FHIT: variants seen among roughly 807,000 people sequenced by gnomAD.
FHIT encodes fragile histidine triad diadenosine triphosphatase, also known as bis(5'-adenosyl)-triphosphatase.
In FHIT, 19 loss-of-function variants were observed where a neutral mutation model predicts 17.9. The observed-to-expected ratio is 1.06, with a 90% CI of 0.74 to 1.56. The LOEUF is 1.56. Ranked by LOEUF, FHIT falls within the 40% of genes most tolerant of loss-of-function variation. The probability of loss-of-function intolerance (pLI) is 0.00; values close to 1 mark genes in which losing one functional copy is unlikely to be tolerated. For synonymous variants in FHIT, 81 were observed against 69.7 expected (o/e 1.16, Z -0.81); for missense variants, 248 against 189.2 (o/e 1.31, Z -1.82).
intron 1 of FHIT, among the ~76,000 whole-genome samples, chr3:61,237,500 T>A (rs968806860): frequency 3.3e-5 from 5 of 152,242 alleles, no homozygotes; most frequent in African/African-American, 7.2e-5. Context: ...ATTTCTACAT[T>A]TATTTGATGG....
At chr3:60,478,980 A>G (rs2033478042) in intron 5 of FHIT, among the ~76,000 whole-genome samples, 1 of 152,166 alleles carries the variant, frequency 6.6e-6, no homozygotes, top group Non-Finnish European at 1.5e-5. Context: ...TATTAATTAT[A>G]TTGTTTTCCA....
intron 5 of FHIT, among the ~76,000 whole-genome samples, chr3:60,391,120 A>T (rs1701215823): frequency 6.6e-6 from 1 of 152,038 alleles, no homozygotes; most frequent in South Asian, 2.1e-4. Context: ...CCCAGGAGGA[A>T]GAGGTTGCAG....
At chr3:60,464,574 A>C (rs1466543878) in intron 5 of FHIT, among the ~76,000 whole-genome samples, 1 of 152,000 alleles carries the variant, frequency 6.6e-6, no homozygotes, top group African/African-American at 2.4e-5. Flanking sequence ...CAGTTGTTTT[A>C]AATTTTTAGT....
chr3:59,840,332 C>T (rs1701486590), intron 8 of FHIT, among the ~76,000 whole-genome samples: 1 of 151,114 alleles, frequency 6.6e-6, no homozygotes, highest in African/African-American at 2.4e-5. Context: ...GGCAAACCCA[C>T]TTCCTTCAGC....
chr3:60,080,450 C>T (rs558598878), intron 5 of FHIT, among the ~76,000 whole-genome samples: 3 of 152,072 alleles, frequency 2.0e-5, no homozygotes, highest in East Asian at 1.9e-4. Context: ...ATTAGAGCCT[C>T]GTAGCCCTAC....
chr3:60,371,067 G>T (rs1385841454), intron 5 of FHIT, among the ~76,000 whole-genome samples: 1 of 152,046 alleles, frequency 6.6e-6, no homozygotes, highest in African/African-American at 2.4e-5. Context: ...CTCATCCTTG[G>T]GTCTCAGATC....
intron 5 of FHIT, among the ~76,000 whole-genome samples, chr3:60,114,307 C>T (rs1025803130): frequency 2.7e-5 from 4 of 150,260 alleles, no homozygotes; most frequent in Non-Finnish European, 4.4e-5. Context: ...ATCTCCAACT[C>T]CTAAGATCAT....
At chr3:59,924,007 A>G (rs986678035) in intron 7 of FHIT, among the ~76,000 whole-genome samples, 11 of 152,216 alleles carry the variant, frequency 7.2e-5, no homozygotes, top group Non-Finnish European at 1.6e-4. Flanking sequence ...TGTGCACTTC[A>G]GTCACAAAGA....
At chr3:60,893,520 A>G (rs538331312) in intron 3 of FHIT, among the ~76,000 whole-genome samples, 1 of 152,120 alleles carries the variant, frequency 6.6e-6, no homozygotes, top group Non-Finnish European at 1.5e-5. Flanking sequence ...TGTAGCCAAT[A>G]TTTACTGATT....
chr3:60,628,867 T>C (rs1386868018), intron 4 of FHIT, among the ~76,000 whole-genome samples: 1 of 152,184 alleles, frequency 6.6e-6, no homozygotes, highest in Admixed American at 6.5e-5. Context: ...GCTCCAGAGC[T>C]GGCAGGCAGA....
chr3:60,935,094 G>C (rs558422572), intron 3 of FHIT, among the ~76,000 whole-genome samples: 1 of 152,236 alleles, frequency 6.6e-6, no homozygotes, highest in East Asian at 1.9e-4. Flanking sequence ...CACCATAAAA[G>C]CTGAACTCAA....
rs1350142656 is a variant in FHIT at position 60,070,620 on chromosome 3, G to A, written c.104-56468C>T. Among the ~76,000 whole-genome samples the A allele has an allele frequency of 3.3e-5, 5 of 152,256 alleles. No individual in the cohort carries two copies. The South Asian group carries it at 6.2e-4, about 19-fold the overall frequency. ...TTTGTCACATTCTTTAGGTGCTTCC[G>A]GGATGCCACCAGTGGGTTCCAACTG... On this transcript the variant is annotated intron_variant, in intron 5 of 9. Transcript: ENST00000492590.
intron 7 of FHIT, among the ~76,000 whole-genome samples, chr3:60,011,052 A>G (rs368591917): frequency 2.6e-5 from 4 of 152,342 alleles, no homozygotes; most frequent in East Asian, 3.9e-4. Flanking sequence ...ACCCACAGGA[A>G]GCTCACATGC....
At chr3:61,037,398 C>G (rs575231264) in intron 3 of FHIT, among the ~76,000 whole-genome samples, 1 of 152,230 alleles carries the variant, frequency 6.6e-6, no homozygotes, top group South Asian at 2.1e-4. Flanking sequence ...TTTCCCAAAG[C>G]CTGGCACATA....
At chr3:60,910,729 A>G (rs1488727958) in intron 3 of FHIT, among the ~76,000 whole-genome samples, 1 of 151,922 alleles carries the variant, frequency 6.6e-6, no homozygotes, top group East Asian at 1.9e-4. Flanking sequence ...TTCTCTAGCG[A>G]TGTGTTCATA....
At chr3:60,152,011 A>C (rs1388485466) in intron 5 of FHIT, among the ~76,000 whole-genome samples, 3 of 152,152 alleles carry the variant, frequency 2.0e-5, no homozygotes, top group Admixed American at 1.3e-4. Flanking sequence ...AGAGCCTGGC[A>C]CCTATAAATT....
chr3:59,857,857 A>C (rs1040480319), intron 8 of FHIT, among the ~76,000 whole-genome samples: 2 of 152,068 alleles, frequency 1.3e-5, no homozygotes, highest in Non-Finnish European at 2.9e-5. Flanking sequence ...AAGAGCTCTG[A>C]TAGAGAGAAA....
intron 3 of FHIT, among the ~76,000 whole-genome samples, chr3:60,922,294 G>A (rs1707326634): frequency 2.0e-5 from 3 of 152,096 alleles, no homozygotes; most frequent in Admixed American, 1.3e-4. Context: ...CTCCCCATGC[G>A]GGCACCAGAT....
At chr3:60,346,804 A>G (rs1227272603) in intron 5 of FHIT, among the ~76,000 whole-genome samples, 1 of 152,216 alleles carries the variant, frequency 6.6e-6, no homozygotes, top group South Asian at 2.1e-4. Flanking sequence ...ATTCAAGTCC[A>G]TAATGAAGTC....
Sources: gnomAD v4.1 joint callset for allele counts (sites outside exome capture counted in the v4.1 genomes callset) on GRCh38, gnomAD v4.1.1 for gene constraint, MANE v1.5 for transcripts, NCBI Gene and HGNC (gene_info 2026-07-23, HGNC 2026-07-21) for gene names.